CCDC3: variants seen among roughly 807,000 people sequenced by gnomAD.
CCDC3 encodes the protein coiled-coil domain containing 3.
CCDC3 carries 24 observed loss-of-function variants against 21.4 expected under a neutral mutation model. The ratio of observed to expected loss-of-function variants is 1.12; its 90% CI spans 0.81 to 1.58. The LOEUF (loss-of-function observed/expected upper bound fraction) is 1.58, where lower values mean the gene tolerates loss of function less well. CCDC3 is among the 40% of genes most tolerant of loss of function. The pLI is 0.00. For missense variants in CCDC3, 425 were observed against 360.9 expected (o/e 1.18, Z -1.44); for synonymous variants, 186 against 166.0 (o/e 1.12, Z -0.93).
At position 13,001,443 on chromosome 10, in the gene CCDC3, A is replaced by G. The variant is rs947026305; in HGVS notation, c.128T>C (p.Ile43Thr). 2.0e-6 allele frequency: 3 copies of G among 1,501,310 alleles called. No homozygotes were observed. The highest frequency in any genetic ancestry group is 2.7e-6 in the Non-Finnish European group (3 of 1,122,778). 93.0% of individuals were successfully genotyped at this position (1,501,310 alleles called of 1,614,324 possible). A position where few individuals can be genotyped will look rare whatever the true frequency, so the allele number is the denominator to read the frequency against. ...CAGCGCCAGCACCCTGGCGTACACG[A>G]TGGTCTCGGCCAGCTCGGCGCGGCA... is the stretch of plus-strand genomic sequence containing the variant. ...EGCRAELAET[I>T]VYARVLALHP... The change falls in exon 1 of 3, where the codon ATC (isoleucine) becomes ACC (threonine). Residue 43 changes from isoleucine (I) to threonine (T), a missense_variant. By Grantham distance (89) the Ile-to-Thr change is moderately conservative. Coordinates refer to ENST00000378825, the MANE Select transcript of CCDC3 (RefSeq NM_031455.4).
At chr10:12,909,173 G>A (rs563050198) in intron 2 of CCDC3, among the ~76,000 whole-genome samples, 3 of 152,228 alleles carry the variant, frequency 2.0e-5, no homozygotes, top group East Asian at 1.9e-4. Flanking sequence ...AGCCAGTCAC[G>A]GCCAGTTAAT....
chr10:12,997,682 T>C lies in CCDC3; in HGVS notation c.549+656A>G, dbSNP rs539525290. Among the ~76,000 whole-genome samples, 229 of 152,356 alleles carry C rather than the reference T, an allele frequency of 1.5e-3. 1 individual carries two copies. Among genetic ancestry groups the C allele is most frequent in the Non-Finnish European group, 2.6e-3 (176 of 68,026 alleles). On this transcript the variant is annotated intron_variant, in intron 2 of 2. Coordinates refer to ENST00000378825, the MANE Select transcript of CCDC3 (RefSeq NM_031455.4). ...AAGACAATTTCTTAGGGCCCTGTGC[T>C]GTCCATGACAATCATACACAGTCAG...
chr10:13,082,098 A>C (rs915280374), intron 3 of CCDC3, among the ~76,000 whole-genome samples: 2 of 152,224 alleles, frequency 1.3e-5, no homozygotes, highest in African/African-American at 4.8e-5. Context: ...CATAGAAATA[A>C]AGACACAAGA....
intron 2 of CCDC3, among the ~76,000 whole-genome samples, chr10:12,985,470 G>A (rs1176170654): frequency 3.3e-5 from 5 of 152,178 alleles, no homozygotes; most frequent in South Asian, 4.1e-4. Context: ...ACAACACTCT[G>A]TACGTGAATG....
intron 2 of CCDC3, among the ~76,000 whole-genome samples, chr10:12,926,240 C>G (rs1834536289): frequency 6.6e-6 from 1 of 152,180 alleles, no homozygotes; most frequent in South Asian, 2.1e-4. Flanking sequence ...GTTTGTACTC[C>G]ATGGACTGAG....
intron 5 of CCDC3, among the ~76,000 whole-genome samples, chr10:13,017,456 G>A (rs1483963622): frequency 6.9e-6 from 1 of 144,830 alleles, no homozygotes; most frequent in Admixed American, 7.2e-5. Flanking sequence ...GGTGGAGGTT[G>A]CAGTGAGTTG....
intron 2 of CCDC3, among the ~76,000 whole-genome samples, chr10:12,901,672 A>G (rs1834094477): frequency 6.6e-6 from 1 of 152,236 alleles, no homozygotes; most frequent in Non-Finnish European, 1.5e-5. Flanking sequence ...TTTTACTTGA[A>G]AAATGTTTAG....
intron 2 of CCDC3, among the ~76,000 whole-genome samples, chr10:12,919,586 TAAAAAA>T (rs11413349): frequency 7.6e-6 from 1 of 130,938 alleles, no homozygotes; most frequent in Admixed American, 7.8e-5. Flanking sequence ...CAAGACTGTC[TAAAAAA>T]AAAAAAAAAA....
At chr10:13,046,815 C>T (rs371142893) in intron 5 of CCDC3, among the ~76,000 whole-genome samples, 3 of 152,000 alleles carry the variant, frequency 2.0e-5, no homozygotes, top group African/African-American at 7.2e-5. Context: ...GATCTATCAT[C>T]GAAAATATTT....
intron 2 of CCDC3, among the ~76,000 whole-genome samples, chr10:12,952,008 C>T (rs11812897): frequency 0.03 from 4,583 of 152,100 alleles, 237 homozygotes; most frequent in African/African-American, 0.11. Flanking sequence ...GTATCTTCAC[C>T]ATAGGCCACG....
At chr10:12,929,602 T>C (rs2131225762) in intron 2 of CCDC3, among the ~76,000 whole-genome samples, 1 of 152,248 alleles carries the variant, frequency 6.6e-6, no homozygotes, top group South Asian at 2.1e-4. Flanking sequence ...AGATTATCTT[T>C]CTCACTCTCT....
chr10:12,977,883 G>C (rs1357738165), intron 2 of CCDC3, among the ~76,000 whole-genome samples: 1 of 152,198 alleles, frequency 6.6e-6, no homozygotes, highest in Non-Finnish European at 1.5e-5. Context: ...CACATAGGTT[G>C]AATCTTCCTC....
At chr10:12,918,921 G>C (rs1035028694) in intron 2 of CCDC3, among the ~76,000 whole-genome samples, 7 of 152,192 alleles carry the variant, frequency 4.6e-5, no homozygotes, top group African/African-American at 1.4e-4. Flanking sequence ...CATGCATGGT[G>C]GTGGGCGCCT....
chr10:12,986,039 T>C (rs113015832), intron 2 of CCDC3, among the ~76,000 whole-genome samples: 2,318 of 152,178 alleles, frequency 0.015, 63 homozygotes, highest in African/African-American at 0.053. Context: ...CCACGCCCAG[T>C]TAACTTTTTT....
At chr10:12,948,880 C>T (rs1422612911) in intron 2 of CCDC3, among the ~76,000 whole-genome samples, 2 of 137,136 alleles carry the variant, frequency 1.5e-5, no homozygotes, top group Admixed American at 7.7e-5. Flanking sequence ...TACAGGCGCC[C>T]ACCACCATGC....
intron 2 of CCDC3, among the ~76,000 whole-genome samples, chr10:12,941,561 C>G (rs1276691375): frequency 1.3e-5 from 2 of 152,130 alleles, no homozygotes; most frequent in South Asian, 2.1e-4. Context: ...TATTAATGTA[C>G]TTATCTGGGA....
intron 5 of CCDC3, among the ~76,000 whole-genome samples, chr10:13,027,083 T>C (rs1836228094): frequency 1.3e-5 from 2 of 152,218 alleles, no homozygotes; most frequent in African/African-American, 4.8e-5. Flanking sequence ...CCTGTCAACC[T>C]TGCTTTAGTA....
At chr10:12,961,814 A>C (rs1285376162) in intron 2 of CCDC3, among the ~76,000 whole-genome samples, 3 of 152,166 alleles carry the variant, frequency 2.0e-5, no homozygotes, top group Non-Finnish European at 4.4e-5. Flanking sequence ...TCAACCCCTC[A>C]TGAAGCTTCC....
At chr10:12,918,889 T>TA (rs949172407) in intron 2 of CCDC3, among the ~76,000 whole-genome samples, 45 of 151,986 alleles carry the variant, frequency 3.0e-4, no homozygotes, top group Admixed American at 7.2e-4. Flanking sequence ...CCATCTCTAC[T>TA]AAAAAAATAC....
Sources: allele counts gnomAD v4.1 joint callset (sites outside exome capture counted in the v4.1 genomes callset), GRCh38; gene constraint gnomAD v4.1.1; transcripts MANE v1.5; gene names NCBI Gene and HGNC (gene_info 2026-07-23, HGNC 2026-07-21).